LPP: variants seen among roughly 807,000 people sequenced by gnomAD.
The protein encoded by LPP is LIM domain containing preferred translocation partner in lipoma, also known as lipoma-preferred partner.
A neutral mutation model predicts 60.4 loss-of-function variants in LPP; 38 were observed. The observed-to-expected ratio is 0.63, with a 90% CI of 0.49 to 0.83. LPP has a LOEUF of 0.83. LPP is among the 40% of genes least tolerant of loss of function. The pLI, the probability that LPP is intolerant of heterozygous loss-of-function variation, is 0.00. For missense variants in LPP, 902 were observed against 783.6 expected (o/e 1.15, Z -1.80); for synonymous variants, 328 against 290.8 (o/e 1.13, Z -1.30).
At chr3:188,312,036 C>CA (rs1445550416) in intron 2 of LPP, among the ~76,000 whole-genome samples, 1 of 152,020 alleles carries the variant, frequency 6.6e-6, no homozygotes, top group Non-Finnish European at 1.5e-5. Flanking sequence ...TATGCAATGA[C>CA]AAGTACATCT....
At chr3:188,340,796 C>T (rs897130808) in intron 2 of LPP, among the ~76,000 whole-genome samples, 2 of 152,072 alleles carry the variant, frequency 1.3e-5, no homozygotes, top group African/African-American at 2.4e-5. Context: ...ATTAATATTT[C>T]GGTGTTTTAA....
intron 3 of LPP, among the ~76,000 whole-genome samples, chr3:188,401,247 C>CTT (rs1292970766): frequency 1.3e-5 from 2 of 152,156 alleles, no homozygotes; most frequent in East Asian, 1.9e-4. Context: ...AGCTTCTTAT[C>CTT]TTTATATAAA....
At chr3:188,510,426 G>T (rs1358298275) in intron 5 of LPP, among the ~76,000 whole-genome samples, 4 of 152,068 alleles carry the variant, frequency 2.6e-5, no homozygotes, top group Non-Finnish European at 5.9e-5. Flanking sequence ...TTTATCAATG[G>T]CAACCTTTTT....
chr3:188,837,421 A>AATAATAATAATAATC (rs1485239539), intron 9 of LPP, among the ~76,000 whole-genome samples: 50 of 141,720 alleles, frequency 3.5e-4, no homozygotes, highest in African/African-American at 1.2e-3. Flanking sequence ...TAATAATAAT[A>AATAATAATAATAATC]ATCTGTGCTT....
At chr3:188,375,020 T>C (rs1005222681) in intron 3 of LPP, among the ~76,000 whole-genome samples, 1 of 152,164 alleles carries the variant, frequency 6.6e-6, no homozygotes, top group Non-Finnish European at 1.5e-5. Flanking sequence ...TATTGATTTG[T>C]GTATGTTGAA....
chr3:188,352,602 G>C lies in LPP; in HGVS notation c.-10+10883G>C, dbSNP rs895025274. On this transcript the variant is annotated intron_variant, in intron 3 of 11. Coordinates refer to ENST00000617246, the MANE Select transcript of LPP (RefSeq NM_001375462.1). The surrounding 1 kb of genome is among the most constrained non-coding windows in gnomAD (Gnocchi z 4.4). ...CTCATTTGATGTGTGAGGACAGTGAGGCGCATTATGCGGAGGTGACTTGCT... is the reference window on the plus strand; with the variant it reads ...CTCATTTGATGTGTGAGGACAGTGACGCGCATTATGCGGAGGTGACTTGCT... Among the ~76,000 whole-genome samples the C allele has an allele frequency of 6.6e-6, 1 of 152,232 alleles. No homozygotes were observed. The highest frequency in any genetic ancestry group is 2.4e-5 in the African/African-American group (1 of 41,462).
At chr3:188,768,143 C>T (rs1734732850) in intron 9 of LPP, among the ~76,000 whole-genome samples, 2 of 152,082 alleles carry the variant, frequency 1.3e-5, no homozygotes, top group Admixed American at 1.3e-4. Flanking sequence ...CTTGAATAAA[C>T]TCGTAAAGAC....
At chr3:188,753,916 T>G (rs1729150308) in intron 8 of LPP, among the ~76,000 whole-genome samples, 1 of 152,124 alleles carries the variant, frequency 6.6e-6, no homozygotes, top group Admixed American at 6.6e-5. Flanking sequence ...ACAAGCACAG[T>G]GACAGAACTA....
chr3:188,764,272 A>C (rs1733313683), intron 9 of LPP, among the ~76,000 whole-genome samples: 1 of 152,210 alleles, frequency 6.6e-6, no homozygotes, highest in Non-Finnish European at 1.5e-5. Context: ...TCTGAGTATC[A>C]GTGTCCTCAT....
At chr3:188,537,626 A>G (rs1261037905) in intron 6 of LPP, among the ~76,000 whole-genome samples, 1 of 152,196 alleles carries the variant, frequency 6.6e-6, no homozygotes, top group Non-Finnish European at 1.5e-5. Context: ...ATGGAAAGAC[A>G]TCTTCTGTTG....
intron 4 of LPP, among the ~76,000 whole-genome samples, chr3:188,460,649 A>T (rs1579070647): frequency 6.6e-6 from 1 of 152,230 alleles, no homozygotes; most frequent in Non-Finnish European, 1.5e-5. Context: ...AGGTGTATGT[A>T]TAGGCTATGT....
chr3:188,848,952 G>A (rs35922237), intron 9 of LPP, among the ~76,000 whole-genome samples: 19,180 of 149,326 alleles, frequency 0.13, 1,589 homozygotes, highest in Non-Finnish European at 0.18. Flanking sequence ...ATGACAGAAC[G>A]AGACTCTGTC....
At chr3:188,378,441 G>A (rs536569288) in intron 3 of LPP, among the ~76,000 whole-genome samples, 8 of 152,260 alleles carry the variant, frequency 5.3e-5, no homozygotes, top group South Asian at 2.1e-4. Flanking sequence ...CCTCACTGCC[G>A]CCTTGTTGTT....
At chr3:188,186,103 C>T (rs1726523081) in intron 1 of LPP, among the ~76,000 whole-genome samples, 1 of 152,094 alleles carries the variant, frequency 6.6e-6, no homozygotes, top group Non-Finnish European at 1.5e-5. Context: ...CACCTCAGGC[C>T]TAAATCTGCC....
chr3:188,250,454 G>T (rs944777772), intron 2 of LPP, among the ~76,000 whole-genome samples: 1 of 152,222 alleles, frequency 6.6e-6, no homozygotes, highest in African/African-American at 2.4e-5. Flanking sequence ...GCATTGTCCA[G>T]TTTCTCCACA....
intron 9 of LPP, among the ~76,000 whole-genome samples, chr3:188,853,646 G>A (rs759941782): frequency 2.6e-5 from 4 of 152,112 alleles, no homozygotes; most frequent in East Asian, 1.9e-4. Context: ...AAGTTAAAAC[G>A]TTTGGCTTTG....
Position 188,659,174 on chromosome 3 carries a change from C to T in LPP, c.1114-49093C>T, listed in dbSNP as rs199541672. On this transcript the variant is annotated intron_variant, in intron 7 of 11. Transcript: ENST00000617246. ...GGTAGCAGGGATAATTTTTCTTCAG[C>T]ATTAGATGGCTGTTTATGTATGATA... Among the ~76,000 whole-genome samples, 7 of 152,146 alleles carry T rather than the reference C, an allele frequency of 4.6e-5. No individual in the cohort carries two copies. The East Asian group carries it at 1.3e-3, about 29-fold the overall frequency.
intron 1 of LPP, among the ~76,000 whole-genome samples, chr3:188,164,782 G>A (rs149405141): frequency 1.1e-4 from 17 of 152,266 alleles, no homozygotes; most frequent in Non-Finnish European, 1.6e-4. Context: ...CAGCTGGACA[G>A]GACCCTAAAG....
Position 188,876,644 on chromosome 3 carries a change from G to C in LPP, c.*2165G>C, listed in dbSNP as rs765018616. 5.1e-6 allele frequency: 1 copy of C among 196,098 alleles called. No individual in the cohort carries two copies. The highest frequency in any genetic ancestry group is 8.0e-5 in the East Asian group (1 of 12,538). The allele number at this position is 196,098 out of a possible 1,614,324, so 12.1% of individuals were successfully genotyped here. A position where few individuals can be genotyped will look rare whatever the true frequency, so the allele number is the denominator to read the frequency against. On this transcript the variant is annotated 3_prime_UTR_variant, in exon 12 of 12. Coordinates refer to ENST00000617246, the MANE Select transcript of LPP (RefSeq NM_001375462.1). Reference sequence around the variant, plus strand: ...GAATTTTGACTTAGTAACTTTTTATGTAATACTTTCGGAGAAATTCTCTTT... The same window carrying C: ...GAATTTTGACTTAGTAACTTTTTATCTAATACTTTCGGAGAAATTCTCTTT...
Sources: gnomAD v4.1 joint callset for allele counts (sites outside exome capture counted in the v4.1 genomes callset) on GRCh38, gnomAD v4.1.1 for gene constraint, Gnocchi (gnomAD v3.1) non-coding constraint, MANE v1.5 for transcripts, NCBI Gene and HGNC (gene_info 2026-07-23, HGNC 2026-07-21) for gene names.